Variants in ZNF423 observed in about 807,000 individuals in gnomAD.
The protein encoded by ZNF423 is zinc finger protein 423.
ZNF423 carries 12 observed loss-of-function variants against 95.8 expected under a neutral mutation model. That is an observed-to-expected ratio of 0.13 (90% CI 0.08 to 0.20). The LOEUF (loss-of-function observed/expected upper bound fraction) is 0.20. ZNF423 is among the 10% of genes least tolerant of loss of function. ZNF423 has a pLI of 1.00. For missense variants in ZNF423, 1,316 were observed against 1,737.1 expected (o/e 0.76, Z 4.31); for synonymous variants, 749 against 711.9 (o/e 1.05, Z -0.83).
intron 5 of ZNF423, among the ~76,000 whole-genome samples, chr16:49,526,372 C>A (rs1968610981): frequency 6.6e-6 from 1 of 152,226 alleles, no homozygotes; most frequent in Admixed American, 6.5e-5. Flanking sequence ...CTCCATCTCC[C>A]CACCTGGGAG....
chr16:49,672,997 C>T (rs2030883141), intron 3 of ZNF423, among the ~76,000 whole-genome samples: 1 of 152,194 alleles, frequency 6.6e-6, no homozygotes, highest in Non-Finnish European at 1.5e-5. Flanking sequence ...AGTGGCATTC[C>T]CACACCTGCC....
chr16:49,728,003 A>T (rs2033070521), intron 3 of ZNF423, among the ~76,000 whole-genome samples: 1 of 152,176 alleles, frequency 6.6e-6, no homozygotes, highest in Non-Finnish European at 1.5e-5. Flanking sequence ...CTAAAGCCCC[A>T]GGTATAAAAC....
intron 5 of ZNF423, among the ~76,000 whole-genome samples, chr16:49,554,673 T>C (rs1969761213): frequency 6.6e-6 from 1 of 151,864 alleles, no homozygotes; most frequent in Non-Finnish European, 1.5e-5. Flanking sequence ...GTGAGCTCTC[T>C]GATCTCCCTG....
At chr16:49,590,237 C>A (rs979271375) in intron 5 of ZNF423, among the ~76,000 whole-genome samples, 2 of 151,876 alleles carry the variant, frequency 1.3e-5, no homozygotes, top group African/African-American at 4.8e-5. Context: ...GGCCCTGCTG[C>A]GCCTGCAGCC....
intron 7 of ZNF423, among the ~76,000 whole-genome samples, chr16:49,522,838 C>T (rs750250264): frequency 7.2e-5 from 11 of 152,198 alleles, no homozygotes; most frequent in Admixed American, 2.0e-4. Flanking sequence ...TTTCTGTGTA[C>T]GTGTGTTGTA....
At chr16:49,750,475 G>A (rs938454095) in intron 2 of ZNF423, among the ~76,000 whole-genome samples, 1 of 152,196 alleles carries the variant, frequency 6.6e-6, no homozygotes, top group African/African-American at 2.4e-5. Flanking sequence ...TGCCAGCACT[G>A]AGTCACAGAA....
chr16:49,743,884 C>T (rs562785104), intron 2 of ZNF423, among the ~76,000 whole-genome samples: 6 of 152,276 alleles, frequency 3.9e-5, no homozygotes, highest in Admixed American at 2.0e-4. Context: ...CCAGGGAATA[C>T]GGAAGTGGCG....
At chr16:49,587,770 A>T (rs1970887432) in intron 5 of ZNF423, among the ~76,000 whole-genome samples, 1 of 152,112 alleles carries the variant, frequency 6.6e-6, no homozygotes, top group Admixed American at 6.5e-5. Flanking sequence ...TTCAAAGAGC[A>T]TCATGCTCTT....
intron 1 of ZNF423, among the ~76,000 whole-genome samples, chr16:49,851,186 C>T (rs1033035608): frequency 6.6e-6 from 1 of 152,148 alleles, no homozygotes; most frequent in South Asian, 2.1e-4. Context: ...TGAACAGGTG[C>T]CGTTCACTTC....
chr16:49,757,969 C>G (rs2033758714), intron 2 of ZNF423, among the ~76,000 whole-genome samples: 1 of 152,184 alleles, frequency 6.6e-6, no homozygotes, highest in Non-Finnish European at 1.5e-5. Flanking sequence ...TGCGGTACCT[C>G]CTCCCCAGGT....
chr16:49,507,637 C>G (rs548803992), intron 7 of ZNF423, among the ~76,000 whole-genome samples: 1 of 151,614 alleles, frequency 6.6e-6, no homozygotes, highest in Non-Finnish European at 1.5e-5. Context: ...CATTCCACAA[C>G]TCCCACCACA....
intron 1 of ZNF423, among the ~76,000 whole-genome samples, chr16:49,826,223 A>G (rs1432706737): frequency 6.6e-6 from 1 of 152,134 alleles, no homozygotes; most frequent in African/African-American, 2.4e-5. Context: ...AAAAATAAAA[A>G]AGAAAGGGCT....
chr16:49,638,552 C>T lies in ZNF423; in HGVS notation c.624G>A (p.Glu208=). The change falls in exon 4 of 8, where the codon GAG becomes GAA. Residue 208 remains glutamate, a synonymous_variant. Transcript: ENST00000563137. This position sits in a 1 kb window ranked among gnomAD's most constrained non-coding sequence, Gnocchi z 5.6. The stretch of plus-strand genomic sequence containing the variant: ...GGTGGTCGCTGCGGGAGAAGGCTGC[C>T]TCGCACTCGTGGCAGTGATACTTCT... The part of the protein sequence containing the change: ...GDKKYHCHEC[E]AAFSRSDHLK... 1 of 1,613,814 alleles carries T rather than the reference C, an allele frequency of 6.2e-7. No individual in the cohort carries two copies. The highest frequency in any genetic ancestry group is 2.2e-5 in the East Asian group (1 of 44,864).
At chr16:49,699,834 A>G (rs1271178987) in intron 3 of ZNF423, among the ~76,000 whole-genome samples, 1 of 152,272 alleles carries the variant, frequency 6.6e-6, no homozygotes, top group East Asian at 1.9e-4. Flanking sequence ...CTAAATTTTT[A>G]TCTTACGGCT....
chr16:49,562,768 C>T (rs1212434168), intron 5 of ZNF423, among the ~76,000 whole-genome samples: 1 of 152,144 alleles, frequency 6.6e-6, no homozygotes, highest in Admixed American at 6.6e-5. Context: ...TACTTAAATG[C>T]CCAGCATAGC....
At chr16:49,592,307 T>A (rs989875365) in intron 5 of ZNF423, among the ~76,000 whole-genome samples, 11 of 152,176 alleles carry the variant, frequency 7.2e-5, no homozygotes, top group Non-Finnish European at 1.3e-4. Context: ...TTTTTTCTTG[T>A]AAGGAAAGTG....
At chr16:49,828,563 C>T (rs1456630228) in intron 1 of ZNF423, among the ~76,000 whole-genome samples, 2 of 152,264 alleles carry the variant, frequency 1.3e-5, no homozygotes, top group African/African-American at 2.4e-5. Context: ...AGAAAAGACT[C>T]CGCCAGCTTA....
chr16:49,826,599 T>C (rs377404987), intron 1 of ZNF423, among the ~76,000 whole-genome samples: 6 of 152,336 alleles, frequency 3.9e-5, no homozygotes, highest in African/African-American at 1.2e-4. Flanking sequence ...ATAGAGTTGC[T>C]GTGAGAATCG....
At chr16:49,702,633 C>T (rs75819240) in intron 3 of ZNF423, among the ~76,000 whole-genome samples, 2 of 152,310 alleles carry the variant, frequency 1.3e-5, no homozygotes, top group Non-Finnish European at 2.9e-5. Context: ...ACAAGGGGCA[C>T]GCTTGGTCTT....
Sources: allele counts gnomAD v4.1 joint callset (sites outside exome capture counted in the v4.1 genomes callset), GRCh38; gene constraint gnomAD v4.1.1; non-coding constraint Gnocchi (gnomAD v3.1); transcripts MANE v1.5; gene names NCBI Gene and HGNC (gene_info 2026-07-23, HGNC 2026-07-21).